SAMSN1: variants seen among roughly 807,000 people sequenced by gnomAD.
SAMSN1 encodes the protein SAM domain, SH3 domain and nuclear localization signals 1, also known as SAM domain-containing protein SAMSN-1.
Under a neutral mutation model 42.0 loss-of-function variants are expected in SAMSN1, and 31 were observed. The observed-to-expected ratio is 0.74, with a 90% CI of 0.55 to 1.00. The LOEUF (loss-of-function observed/expected upper bound fraction) is 1.00. SAMSN1 is among the 50% of genes least tolerant of loss of function. SAMSN1 has a pLI of 0.00. For missense variants in SAMSN1, 464 were observed against 439.4 expected (o/e 1.06, Z -0.50); for synonymous variants, 178 against 151.9 (o/e 1.17, Z -1.26).
chr21:14,651,551 C>A (rs952191498), intron 1 of SAMSN1, among the ~76,000 whole-genome samples: 1 of 151,846 alleles, frequency 6.6e-6, no homozygotes, highest in Non-Finnish European at 1.5e-5. Context: ...ATAATAAAAG[C>A]CTTATACAAT....
At chr21:14,530,174 G>A (rs12482557) in intron 1 of SAMSN1, among the ~76,000 whole-genome samples, 28,686 of 151,884 alleles carry the variant, frequency 0.19, 3,542 homozygotes, top group East Asian at 0.4. Context: ...AAAATTAGCC[G>A]GGCGTGGTGG....
At chr21:14,533,561 G>C (rs1205104615) in intron 1 of SAMSN1, among the ~76,000 whole-genome samples, 1 of 152,088 alleles carries the variant, frequency 6.6e-6, no homozygotes, top group Non-Finnish European at 1.5e-5. Flanking sequence ...TATGTCCAGG[G>C]TCACGCCCTC....
intron 3 of SAMSN1, among the ~76,000 whole-genome samples, chr21:14,614,523 C>G (rs529313212): frequency 6.6e-6 from 1 of 151,824 alleles, no homozygotes; most frequent in South Asian, 2.1e-4. Context: ...TAAGTGTTTC[C>G]CACATTCATA....
Position 14,612,542 on chromosome 21 carries a change from A to T in SAMSN1, c.235+334T>A, listed in dbSNP as rs116726858. 6.3e-3 allele frequency: 2,818 copies of T among 445,526 alleles called. 74 individuals carry two copies. The highest frequency in any genetic ancestry group is 0.053 in the African/African-American group (2,590 of 49,048). The allele number at this position is 445,526 out of a possible 1,614,324, so 27.6% of individuals were successfully genotyped here. A position where few individuals can be genotyped will look rare whatever the true frequency, so the allele number is the denominator to read the frequency against. Reference sequence around the variant, plus strand: ...ATTTTTTATTGTCTCCTAGATTCACAGATCTAAAATGATCTCTAACAAGTC... The same window carrying T: ...ATTTTTTATTGTCTCCTAGATTCACTGATCTAAAATGATCTCTAACAAGTC... On this transcript the variant is annotated intron_variant, in intron 4 of 15. Coordinates refer to the SAMSN1 transcript ENST00000647101.
intron 2 of SAMSN1, among the ~76,000 whole-genome samples, chr21:14,518,742 C>T (rs1988029682): frequency 6.6e-6 from 1 of 152,212 alleles, no homozygotes; most frequent in African/African-American, 2.4e-5. Context: ...TTTAAACCCT[C>T]ATTGCACTTT....
chr21:14,645,700 A>C (rs1289439206), intron 1 of SAMSN1, among the ~76,000 whole-genome samples: 1 of 152,214 alleles, frequency 6.6e-6, no homozygotes, highest in Admixed American at 6.5e-5. Flanking sequence ...GGAGAAAGAG[A>C]TATGTGACCT....
At chr21:14,633,285 A>G (rs1482638759) in intron 2 of SAMSN1, among the ~76,000 whole-genome samples, 1 of 152,102 alleles carries the variant, frequency 6.6e-6, no homozygotes, top group Non-Finnish European at 1.5e-5. Flanking sequence ...AGTGGTGTTC[A>G]CTGAGGTCCT....
chr21:14,652,115 C>G (rs986129085), intron 1 of SAMSN1, among the ~76,000 whole-genome samples: 1 of 151,822 alleles, frequency 6.6e-6, no homozygotes, highest in African/African-American at 2.4e-5. Flanking sequence ...GTCCATTCTA[C>G]TCAAAGCAAA....
intron 7 of SAMSN1, among the ~76,000 whole-genome samples, chr21:14,592,888 GA>G (rs1354485981): frequency 6.6e-6 from 1 of 152,126 alleles, no homozygotes; most frequent in African/African-American, 2.4e-5. Flanking sequence ...ATTTTCATCT[GA>G]AAGTCCTGTT....
Position 14,512,495 on chromosome 21 carries a change from G to C in SAMSN1, c.358C>G (p.Leu120Val), listed in dbSNP as rs767593129. Reference sequence around the variant, plus strand: ...CTATCCATGGAGTCACTGGCTTTGAGGGACACCTTCTCTGTGTGGGTCCCA... The same window carrying C: ...CTATCCATGGAGTCACTGGCTTTGACGGACACCTTCTCTGTGTGGGTCCCA... The part of the protein sequence containing the change: ...VIGTHTEKVS[L>V]KASDSMDSLY... The change falls in exon 4 of 8, where the codon CTC (leucine) becomes GTC (valine). Residue 120 changes from leucine (L) to valine (V), a missense_variant. Leu to Val is a conservative substitution (Grantham distance 32). Coordinates refer to ENST00000400566, the MANE Select transcript of SAMSN1 (RefSeq NM_022136.5). The C allele has an allele frequency of 7.4e-6, 12 of 1,613,810 alleles. No individual in the cohort carries two copies. The African/African-American group carries it at 1.5e-4, about 20-fold the overall frequency.
chr21:14,627,743 T>C (rs1983221383), intron 2 of SAMSN1, among the ~76,000 whole-genome samples: 1 of 152,274 alleles, frequency 6.6e-6, no homozygotes, highest in South Asian at 2.1e-4. Context: ...AATATGAGGA[T>C]ACACTAACAT....
intron 2 of SAMSN1, among the ~76,000 whole-genome samples, chr21:14,560,734 A>G (rs1216501415): frequency 6.6e-6 from 1 of 152,134 alleles, no homozygotes; most frequent in African/African-American, 2.4e-5. Context: ...CCACAAATCT[A>G]ACTGTGTCCC....
chr21:14,494,252 C>T (rs1196070452), intron 7 of SAMSN1, among the ~76,000 whole-genome samples: 2 of 152,184 alleles, frequency 1.3e-5, no homozygotes, highest in Non-Finnish European at 2.9e-5. Context: ...TATAAAGACA[C>T]ATGCACACAT....
chr21:14,654,838 C>A (rs186979380), intron 1 of SAMSN1, among the ~76,000 whole-genome samples: 209 of 148,578 alleles, frequency 1.4e-3, no homozygotes, highest in African/African-American at 4.8e-3. Flanking sequence ...TAAAGCAAGG[C>A]GAAGAAGCCA....
chr21:14,488,421 T>C (rs1212998487), intron 7 of SAMSN1, among the ~76,000 whole-genome samples: 1 of 152,216 alleles, frequency 6.6e-6, no homozygotes, highest in African/African-American at 2.4e-5. Flanking sequence ...CTTCAGGATA[T>C]GAAGCAGAGT....
At chr21:14,569,986 C>T (rs5013705) in intron 2 of SAMSN1, among the ~76,000 whole-genome samples, 14,379 of 83,438 alleles carry the variant, frequency 0.17, 1,416 homozygotes, top group African/African-American at 0.36. Flanking sequence ...AACCACTTTC[C>T]CCCCCCCCAG....
intron 2 of SAMSN1, 57 bp from the exon 3 acceptor site, chr21:14,517,098 T>C (rs1987954593): frequency 6.8e-7 from 1 of 1,461,982 alleles, no homozygotes; most frequent in South Asian, 1.3e-5. Context: ...AACATTGATC[T>C]GAAATCACTG....
At chr21:14,560,008 G>A (rs1284508369) in intron 2 of SAMSN1, among the ~76,000 whole-genome samples, 5 of 152,220 alleles carry the variant, frequency 3.3e-5, no homozygotes, top group South Asian at 4.2e-4. Context: ...GTCCAAAGAC[G>A]GAAAGGTATG....
intron 2 of SAMSN1, among the ~76,000 whole-genome samples, chr21:14,558,985 C>T (rs140833437): frequency 6.6e-6 from 1 of 152,268 alleles, no homozygotes; most frequent in African/African-American, 2.4e-5. Flanking sequence ...TCCTGCAAAG[C>T]ATTCATTGAA....
Sources: gnomAD v4.1 joint callset for allele counts (sites outside exome capture counted in the v4.1 genomes callset) on GRCh38, gnomAD v4.1.1 for gene constraint, MANE v1.5 for transcripts, NCBI Gene and HGNC (gene_info 2026-07-23, HGNC 2026-07-21) for gene names.